PI4KA: variants seen among roughly 807,000 people sequenced by gnomAD.
PI4KA encodes PI4-kinase alpha.
In PI4KA, 122 loss-of-function variants were observed where a neutral mutation model predicts 271.4. The observed-to-expected ratio is 0.45, with a 90% CI of 0.39 to 0.52. The LOEUF (loss-of-function observed/expected upper bound fraction) is 0.52. PI4KA is among the 20% of genes least tolerant of loss of function. The pLI, the probability that PI4KA is intolerant of heterozygous loss-of-function variation, is 0.00. For synonymous variants in PI4KA, 1,041 were observed against 1,078.8 expected (o/e 0.96, Z 0.69); for missense variants, 1,969 against 2,769.1 (o/e 0.71, Z 6.48).
At chr22:20,815,789 T>C (rs544978256) in intron 7 of PI4KA, among the ~76,000 whole-genome samples, 1 of 152,092 alleles carries the variant, frequency 6.6e-6, no homozygotes, top group South Asian at 2.1e-4. Flanking sequence ...GTTGTGATTA[T>C]CGGGCACTTC....
intron 15 of PI4KA, 44 bp downstream of exon 15, chr22:20,799,627 T>G: frequency 7.2e-7 from 1 of 1,394,224 alleles, no homozygotes; most frequent in Non-Finnish European, 1.0e-6. Flanking sequence ...ACGAGCCTGC[T>G]GAGAACAATG....
chr22:20,826,013 A>G (rs571306791), intron 3 of PI4KA, among the ~76,000 whole-genome samples: 4 of 152,316 alleles, frequency 2.6e-5, no homozygotes, highest in East Asian at 3.9e-4. Context: ...TAATTCTCCC[A>G]TAACGGTCTC....
At chr22:20,764,635 G>T in intron 22 of PI4KA, 182 bp downstream of exon 22, 1 of 558,742 alleles carries the variant, frequency 1.8e-6, no homozygotes, top group African/African-American at 1.9e-5. Flanking sequence ...TACTATACGT[G>T]GTGTCTGGTG....
chr22:20,807,387 C>G lies in PI4KA; in HGVS notation c.1143G>C (p.Leu381=), dbSNP rs978816692. ...DPLYLTMFKM[L]RDTLYYMKDL... is the part of the protein sequence containing the mutation. ...CCTTCATGTAGTACAGAGTGTCACGCAGCATCTTGAACATGGTCAGGTAGA... is the reference window on the plus strand; with the variant it reads ...CCTTCATGTAGTACAGAGTGTCACGGAGCATCTTGAACATGGTCAGGTAGA... Residue 381 remains leucine, a synonymous_variant, in exon 10 of 55, where the codon CTG becomes CTC. Transcript: ENST00000255882. 6.2e-6 allele frequency: 10 copies of G among 1,611,762 alleles called. No homozygotes were observed. In the South Asian group the frequency reaches 7.7e-5, roughly 12 times the overall value.
chr22:20,810,505 T>A (rs1274135288), intron 9 of PI4KA, among the ~76,000 whole-genome samples: 96 of 147,020 alleles, frequency 6.5e-4, no homozygotes, highest in Middle Eastern at 3.5e-3. Flanking sequence ...CGAGACTCCA[T>A]CTCAAAAAAA....
chr22:20,791,983 C>A lies in PI4KA; in HGVS notation c.2328+1210G>T, dbSNP rs999303714. On this transcript the variant is annotated intron_variant, in intron 19 of 54. Transcript: ENST00000255882. ...ATGCGTGGTAGGGCGTGCTTGTAAT[C>A]CCAGGTACTCGGGAGACTGAGGCAT... Among the ~76,000 whole-genome samples, 6 of 152,046 alleles carry A rather than the reference C, an allele frequency of 3.9e-5. No homozygotes were observed. The South Asian group carries it at 1.2e-3, about 32-fold the overall frequency.
chr22:20,734,706 C>G, intron 32 of PI4KA, 153 bp from the exon 33 acceptor site: 3 of 831,912 alleles, frequency 3.6e-6, no homozygotes, highest in Non-Finnish European at 3.8e-6. Context: ...CGCCTATAGT[C>G]CCACATCCCA....
intron 19 of PI4KA, among the ~76,000 whole-genome samples, chr22:20,785,048 C>T (rs943030345): frequency 2.0e-5 from 3 of 150,330 alleles, no homozygotes; most frequent in African/African-American, 7.3e-5. Context: ...CCCGGCAGCT[C>T]TTGAGAAAGG....
chr22:20,845,723 A>C (rs142534445), intron 1 of PI4KA, among the ~76,000 whole-genome samples: 19 of 152,254 alleles, frequency 1.2e-4, no homozygotes, highest in Admixed American at 5.2e-4. Flanking sequence ...TTTTGAGCTG[A>C]GCGCGGTGGG....
chr22:20,782,966 GA>G (rs1343217776), intron 19 of PI4KA, among the ~76,000 whole-genome samples: 3 of 135,154 alleles, frequency 2.2e-5, no homozygotes, highest in Non-Finnish European at 4.7e-5. Flanking sequence ...CCACCAGCTA[GA>G]AACCTTGAAC....
intron 1 of PI4KA, among the ~76,000 whole-genome samples, chr22:20,851,336 T>TG (rs1555910950): frequency 2.4e-4 from 37 of 152,148 alleles, no homozygotes; most frequent in African/African-American, 8.4e-4. Context: ...TTGGGTTTTT[T>TG]TTGTTGTTGT....
At position 20,779,549 on chromosome 22, in the gene PI4KA, T is replaced by C. The variant is rs1933586382; in HGVS notation, c.2328+13644A>G. The C allele has an allele frequency of 6.2e-7, 1 of 1,614,126 alleles. No individual in the cohort carries two copies. Among genetic ancestry groups the C allele is most frequent in the South Asian group, 1.1e-5 (1 of 91,088 alleles). On this transcript the variant is annotated intron_variant, in intron 19 of 54. Coordinates refer to ENST00000255882, the MANE Select transcript of PI4KA (RefSeq NM_058004.4). ...CAGAGGGGGAGGAGGACGACGACTA[T>C]CTGGACCTGGAGAAGATATTCAGTG...
At chr22:20,818,430 A>G (rs1922129702) in intron 7 of PI4KA, 53 bp downstream of exon 7, 1 of 1,370,332 alleles carries the variant, frequency 7.3e-7, no homozygotes, top group Non-Finnish European at 1.0e-6. Flanking sequence ...AGTCACTGTG[A>G]GCCTGTTCTC....
At chr22:20,805,763 C>T (rs974068499) in intron 10 of PI4KA, among the ~76,000 whole-genome samples, 1 of 147,518 alleles carries the variant, frequency 6.8e-6, no homozygotes, top group African/African-American at 2.5e-5. Flanking sequence ...ACCCGGGAGG[C>T]GGAGCTTGCA....
Position 20,796,135 on chromosome 22 carries a change from C to T in PI4KA, c.2277+11G>A. Reference sequence around the variant, plus strand: ...CACTGATGGGGAAGGCATAGCCATCCTCCTTCCTACCTTTAGGGCAGGGCC... The same window carrying T: ...CACTGATGGGGAAGGCATAGCCATCTTCCTTCCTACCTTTAGGGCAGGGCC... On this transcript the variant is annotated intron_variant, in intron 18 of 54. Transcript: ENST00000255882. The T allele has an allele frequency of 6.2e-7, 1 of 1,605,356 alleles. No homozygotes were observed. Among genetic ancestry groups the T allele is most frequent in the Non-Finnish European group, 8.5e-7 (1 of 1,172,686 alleles).
rs372446811 is a variant in PI4KA, at chr22:20,847,078, G to A, written c.157-8347C>T. Among the ~76,000 whole-genome samples, 15 of 151,454 alleles carry A rather than the reference G, an allele frequency of 9.9e-5. No individual in the cohort carries two copies. The South Asian group carries it at 2.7e-3, about 27-fold the overall frequency. ...CAGGAGAATCACTTGAACCGAGGAG[G>A]TGGAGGTTGCAGTGAGCCGAGATCA... On this transcript the variant is annotated intron_variant, in intron 1 of 54. Transcript: ENST00000255882.
chr22:20,826,377 TA>T (rs1923426716), intron 3 of PI4KA, among the ~76,000 whole-genome samples: 1 of 151,938 alleles, frequency 6.6e-6, no homozygotes, highest in Non-Finnish European at 1.5e-5. Flanking sequence ...TAAAAGGACA[TA>T]ATCTTTTTCT....
chr22:20,801,219 A>G (rs1023967328), intron 14 of PI4KA, among the ~76,000 whole-genome samples: 5 of 151,904 alleles, frequency 3.3e-5, no homozygotes, highest in African/African-American at 7.3e-5. Flanking sequence ...AGGAAAAGAA[A>G]AGAAGTAACA....
At chr22:20,822,057 T>C (rs566396984) in intron 4 of PI4KA, among the ~76,000 whole-genome samples, 2 of 152,310 alleles carry the variant, frequency 1.3e-5, no homozygotes, top group Admixed American at 6.5e-5. Flanking sequence ...TGAGGGTCAC[T>C]TGAGCCCAGG....
Sources: allele counts gnomAD v4.1 joint callset (sites outside exome capture counted in the v4.1 genomes callset), GRCh38; gene constraint gnomAD v4.1.1; transcripts MANE v1.5; gene names NCBI Gene and HGNC (gene_info 2026-07-23, HGNC 2026-07-21).